RSRC1: variants seen among roughly 807,000 people sequenced by gnomAD.
RSRC1 encodes the protein serine/Arginine-related protein 53.
RSRC1 carries 39 observed loss-of-function variants against 49.1 expected under a neutral mutation model. The observed-to-expected ratio is 0.79, with a 90% CI of 0.61 to 1.04. The LOEUF (loss-of-function observed/expected upper bound fraction) is 1.04. Among genes scored for constraint, RSRC1 ranks in the 50% least tolerant of loss-of-function variants. The pLI is 0.00. For synonymous variants in RSRC1, 143 were observed against 130.8 expected (o/e 1.09, Z -0.63); for missense variants, 388 against 402.4 (o/e 0.96, Z 0.31).
At chr3:158,361,385 C>G (rs902553011) in intron 6 of RSRC1, among the ~76,000 whole-genome samples, 2 of 152,140 alleles carry the variant, frequency 1.3e-5, no homozygotes, top group African/African-American at 4.8e-5. Flanking sequence ...GGTCCAGAGC[C>G]ACAGAGGCTC....
intron 5 of RSRC1, among the ~76,000 whole-genome samples, chr3:158,331,536 G>GT (rs960807480): frequency 3.3e-5 from 5 of 151,800 alleles, no homozygotes; most frequent in Non-Finnish European, 7.4e-5. Context: ...AATCTGTTGG[G>GT]TTTTTTTCTT....
intron 7 of RSRC1, among the ~76,000 whole-genome samples, chr3:158,511,955 C>T (rs1740211088): frequency 6.6e-6 from 1 of 151,640 alleles, no homozygotes; most frequent in Non-Finnish European, 1.5e-5. Context: ...CCTTCGCCCA[C>T]TTTTTGATGG....
intron 6 of RSRC1, among the ~76,000 whole-genome samples, chr3:158,379,600 T>C (rs1732582096): frequency 6.6e-6 from 1 of 152,064 alleles, no homozygotes; most frequent in Admixed American, 6.6e-5. Context: ...CCTGTTCTCC[T>C]CACTCAATCA....
At chr3:158,515,185 G>A (rs979790312) in intron 7 of RSRC1, among the ~76,000 whole-genome samples, 11 of 151,918 alleles carry the variant, frequency 7.2e-5, no homozygotes, top group South Asian at 2.1e-4. Flanking sequence ...TATTTTGCTC[G>A]TTAGTTGATG....
intron 3 of RSRC1, among the ~76,000 whole-genome samples, chr3:158,189,260 TA>T (rs925181267): frequency 2.6e-5 from 4 of 151,948 alleles, no homozygotes; most frequent in African/African-American, 9.7e-5. Context: ...TAGAAAATAT[TA>T]TAGGTACATT....
Position 158,344,636 on chromosome 3 carries a change from G to C in RSRC1, c.532-10221G>C, listed in dbSNP as rs181405890. Among the ~76,000 whole-genome samples the C allele has an allele frequency of 1.9e-3, 282 of 152,244 alleles. 1 individual carries two copies. The highest frequency in any genetic ancestry group is 2.7e-3 in the Non-Finnish European group (187 of 68,014). ...CACAGGGTGCCCTTTTAGCATTAGG[G>C]AAAATGACACCAGATGAAAACCTGG... is the stretch of plus-strand genomic sequence containing the variant. On this transcript the variant is annotated intron_variant, in intron 5 of 9. Transcript: ENST00000611884.
At chr3:158,479,919 A>G (rs1738540357) in intron 7 of RSRC1, among the ~76,000 whole-genome samples, 1 of 152,054 alleles carries the variant, frequency 6.6e-6, no homozygotes, top group Non-Finnish European at 1.5e-5. Flanking sequence ...TAAAAAGTAC[A>G]GATTTTGCTC....
intron 7 of RSRC1, among the ~76,000 whole-genome samples, chr3:158,491,416 G>T (rs1739078665): frequency 6.6e-6 from 1 of 152,160 alleles, no homozygotes; most frequent in Non-Finnish European, 1.5e-5. Flanking sequence ...GATTATCCAG[G>T]AGTATTGGAG....
chr3:158,116,984 G>A (rs549433889), intron 1 of RSRC1, among the ~76,000 whole-genome samples: 67 of 152,176 alleles, frequency 4.4e-4, no homozygotes, highest in African/African-American at 1.5e-3. Context: ...TCATGAAAAG[G>A]GGAGAGTGTG....
chr3:158,403,153 A>G (rs1733981033), intron 6 of RSRC1, among the ~76,000 whole-genome samples: 1 of 151,814 alleles, frequency 6.6e-6, no homozygotes, highest in South Asian at 2.1e-4. Flanking sequence ...GAGCTCTACA[A>G]TAACAGCAAT....
intron 5 of RSRC1, among the ~76,000 whole-genome samples, chr3:158,334,313 A>C (rs534261804): frequency 6.6e-6 from 1 of 152,312 alleles, no homozygotes; most frequent in Non-Finnish European, 1.5e-5. Flanking sequence ...CCTCTGTGTC[A>C]TGTCTAAAAG....
chr3:158,376,949 G>C (rs1560016897), intron 6 of RSRC1, among the ~76,000 whole-genome samples: 1 of 152,078 alleles, frequency 6.6e-6, no homozygotes, highest in Non-Finnish European at 1.5e-5. Context: ...CTACAGTTGG[G>C]GGTGTTGTGT....
At chr3:158,450,758 A>T (rs79786211) in intron 6 of RSRC1, among the ~76,000 whole-genome samples, 1 of 152,116 alleles carries the variant, frequency 6.6e-6, no homozygotes, top group African/African-American at 2.4e-5. Context: ...GATAAAACTC[A>T]GTAAAAACTA....
At chr3:158,512,196 A>G (rs1049123821) in intron 7 of RSRC1, among the ~76,000 whole-genome samples, 3 of 147,482 alleles carry the variant, frequency 2.0e-5, no homozygotes, top group Non-Finnish European at 4.5e-5. Flanking sequence ...GCCCATGCCT[A>G]TGTCCTGAAT....
chr3:158,483,780 T>G (rs1313212736), intron 7 of RSRC1, among the ~76,000 whole-genome samples: 1 of 152,136 alleles, frequency 6.6e-6, no homozygotes, highest in East Asian at 1.9e-4. Flanking sequence ...CCTACAGTCT[T>G]GAATTTGCAT....
chr3:158,239,595 G>T (rs984935076), intron 4 of RSRC1, among the ~76,000 whole-genome samples: 18 of 151,514 alleles, frequency 1.2e-4, no homozygotes, highest in Non-Finnish European at 1.9e-4. Context: ...GCTGGGGGAG[G>T]GATAGCATTA....
chr3:158,388,864 C>T lies in RSRC1; in HGVS notation c.583+33956C>T, dbSNP rs558843487. Among the ~76,000 whole-genome samples, 6 of 152,230 alleles carry T rather than the reference C, an allele frequency of 3.9e-5. No homozygotes were observed. In the South Asian group the frequency reaches 1.2e-3, roughly 32 times the overall value. Reference sequence around the variant, plus strand: ...GACCTCATGATCCGCCCGCCTCGGCCTCCCAAAGTGTTGGGATTACAGGCA... The same window carrying T: ...GACCTCATGATCCGCCCGCCTCGGCTTCCCAAAGTGTTGGGATTACAGGCA... On this transcript the variant is annotated intron_variant, in intron 6 of 9. Coordinates refer to ENST00000611884, the MANE Select transcript of RSRC1 (RefSeq NM_001271838.2).
intron 4 of RSRC1, among the ~76,000 whole-genome samples, chr3:158,208,001 A>C (rs1430333242): frequency 6.6e-6 from 1 of 152,168 alleles, no homozygotes; most frequent in Non-Finnish European, 1.5e-5. Flanking sequence ...ATTTATCTAC[A>C]GATTTAGGAA....
intron 7 of RSRC1, among the ~76,000 whole-genome samples, chr3:158,480,856 A>G (rs970890241): frequency 2.6e-5 from 4 of 152,112 alleles, no homozygotes; most frequent in Non-Finnish European, 5.9e-5. Context: ...TATCCAGAAT[A>G]TTCACTATTC....
Sources: allele counts gnomAD v4.1 joint callset (sites outside exome capture counted in the v4.1 genomes callset), GRCh38; gene constraint gnomAD v4.1.1; transcripts MANE v1.5; gene names NCBI Gene and HGNC (gene_info 2026-07-23, HGNC 2026-07-21).